BCAS3: variants seen among roughly 807,000 people sequenced by gnomAD.
The protein encoded by BCAS3 is BCAS3 microtubule associated cell migration factor.
A neutral mutation model predicts 116.1 loss-of-function variants in BCAS3; 53 were observed. That is an observed-to-expected ratio of 0.46 (90% CI 0.37 to 0.57). The LOEUF is 0.57. Ranked by LOEUF, BCAS3 falls within the 20% of genes least tolerant of loss-of-function variation. The pLI is 0.00. For synonymous variants in BCAS3, 391 were observed against 408.2 expected (o/e 0.96, Z 0.51); for missense variants, 917 against 1,165.4 (o/e 0.79, Z 3.10).
rs975216155 is a variant in BCAS3, at chr17:61,379,505, T to G, written c.2593+11011T>G. The stretch of plus-strand genomic sequence containing the variant: ...CCAAGCCAAGCCCATCCGATTGAAC[T>G]TAACGGAGAAGTGAAGTTCCCTAGT... On this transcript the variant is annotated intron_variant, in intron 23 of 23. Coordinates refer to ENST00000407086, the MANE Select transcript of BCAS3 (RefSeq NM_017679.5). The surrounding 1 kb of genome is among the most constrained non-coding windows in gnomAD (Gnocchi z 5.5). The G allele has an allele frequency of 3.3e-5, 5 of 152,192 alleles. No homozygotes were observed. The highest frequency in any genetic ancestry group is 1.2e-4 in the African/African-American group (5 of 41,430). 9.4% of individuals were successfully genotyped at this position (152,192 alleles called of 1,614,324 possible). A position where few individuals can be genotyped will look rare whatever the true frequency, so the allele number is the denominator to read the frequency against.
intron 7 of BCAS3, among the ~76,000 whole-genome samples, chr17:60,838,491 T>G (rs2051574350): frequency 6.6e-6 from 1 of 151,156 alleles, no homozygotes; most frequent in Non-Finnish European, 1.5e-5. Flanking sequence ...GCAAATACTA[T>G]AAGACCCCCG....
At position 61,121,347 on chromosome 17, in the gene BCAS3, A is replaced by G. The variant is rs528700585; in HGVS notation, c.2425+36783A>G. ...TATAGTTTTGCTATATGATGTCAAC[A>G]TTGTATTATTTGATATATAGATAGT... On this transcript the variant is annotated intron_variant, in intron 22 of 23. Coordinates refer to ENST00000407086, the MANE Select transcript of BCAS3 (RefSeq NM_017679.5). Among the ~76,000 whole-genome samples, 4 of 152,256 alleles carry G rather than the reference A, an allele frequency of 2.6e-5. No individual in the cohort carries two copies. The East Asian group carries it at 7.7e-4, about 29-fold the overall frequency.
At chr17:61,250,642 G>T (rs145291991) in intron 22 of BCAS3, among the ~76,000 whole-genome samples, 2 of 152,154 alleles carry the variant, frequency 1.3e-5, no homozygotes, top group African/African-American at 2.4e-5. Context: ...TCCCGTTTTC[G>T]GACAGCTAAA....
intron 14 of BCAS3, among the ~76,000 whole-genome samples, chr17:60,948,936 G>C (rs1271085954): frequency 6.6e-6 from 1 of 151,284 alleles, no homozygotes; most frequent in Non-Finnish European, 1.5e-5. Context: ...GAGTGCAGTG[G>C]TATGATCTCG....
intron 13 of BCAS3, among the ~76,000 whole-genome samples, chr17:60,932,507 C>A (rs2059701118): frequency 6.6e-6 from 1 of 151,616 alleles, no homozygotes; most frequent in Admixed American, 6.6e-5. Context: ...TTTGGGAGGC[C>A]GAGGCGGGTG....
rs1373145713 is a variant in BCAS3 at position 60,988,187 on chromosome 17, T to TGA, written c.1222-1784_1222-1783insGA. 7.0e-5 allele frequency among the ~76,000 whole-genome samples: 8 copies of TGA among 114,536 alleles called. No homozygotes were observed. In the African/African-American group the frequency reaches 8.2e-4, roughly 12 times the overall value. The allele number at this position is 114,536 out of a possible 152,430, so 75.1% of individuals were successfully genotyped here. On this transcript the variant is annotated intron_variant, in intron 14 of 23. Coordinates refer to ENST00000407086, the MANE Select transcript of BCAS3 (RefSeq NM_017679.5). ...GGGATAAATTCCACTTGGTTGTGAT[T>TGA]TTTTTTTTTGATGTGTTGTTGAATT...
intron 22 of BCAS3, among the ~76,000 whole-genome samples, chr17:61,148,663 C>T (rs1377926507): frequency 6.6e-6 from 1 of 152,204 alleles, no homozygotes; most frequent in African/African-American, 2.4e-5. Context: ...ATTTTATCCT[C>T]ATAACATCCC....
intron 6 of BCAS3, among the ~76,000 whole-genome samples, chr17:60,754,085 G>A (rs367701264): frequency 4.8e-4 from 73 of 152,104 alleles, no homozygotes; most frequent in African/African-American, 1.7e-3. Flanking sequence ...GCCCATGCTG[G>A]AGTGCAGTGG....
rs1015927949 is a variant in BCAS3 at position 61,229,155 on chromosome 17, T to C, written c.2426-139172T>C. Among the ~76,000 whole-genome samples, 8 of 152,130 alleles carry C rather than the reference T, an allele frequency of 5.3e-5. No individual in the cohort carries two copies. Among genetic ancestry groups the C allele is most frequent in the Admixed American group, 5.2e-4 (8 of 15,288 alleles). ...CGGCCTCCCAAAGTGCTGGGATTAC[T>C]GATGTGAGCCACCGCACCTGGCCAC... On this transcript the variant is annotated intron_variant, in intron 22 of 23. Transcript: ENST00000407086. The surrounding 1 kb of genome is among the most constrained non-coding windows in gnomAD (Gnocchi z 4.4).
In BCAS3 at chr17:60,793,316, T is replaced by C. The variant is rs532961994; in HGVS notation, c.404-14688T>C. The stretch of plus-strand genomic sequence containing the variant: ...TTCACCATCTTGGCCAAGCTGGTGT[T>C]GAACTTCTGACCTCTTGGTCCACCC... On this transcript the variant is annotated intron_variant, in intron 6 of 23. Coordinates refer to ENST00000407086, the MANE Select transcript of BCAS3 (RefSeq NM_017679.5). 4.6e-5 allele frequency among the ~76,000 whole-genome samples: 7 copies of C among 152,234 alleles called. No individual in the cohort carries two copies. The South Asian group carries it at 1.5e-3, about 32-fold the overall frequency.
At chr17:60,694,728 G>A (rs543281844) in intron 4 of BCAS3, among the ~76,000 whole-genome samples, 1 of 151,230 alleles carries the variant, frequency 6.6e-6, no homozygotes, top group African/African-American at 2.4e-5. Context: ...CTCCCACCTC[G>A]GTGTCCCAAA....
At chr17:60,916,269 TAGAC>T (rs796192235) in intron 12 of BCAS3, among the ~76,000 whole-genome samples, 6 of 152,324 alleles carry the variant, frequency 3.9e-5, no homozygotes, top group African/African-American at 1.4e-4. Context: ...CACTGTATGA[TAGAC>T]AGCAGATTTC....
chr17:61,061,779 A>G (rs1423800031), intron 19 of BCAS3, among the ~76,000 whole-genome samples: 1 of 152,220 alleles, frequency 6.6e-6, no homozygotes, highest in Non-Finnish European at 1.5e-5. Flanking sequence ...ATTACAACTC[A>G]TAATTCTACA....
chr17:60,801,665 C>G (rs374487237), intron 6 of BCAS3, among the ~76,000 whole-genome samples: 8 of 152,120 alleles, frequency 5.3e-5, no homozygotes, highest in African/African-American at 1.7e-4. Context: ...CTTGAATTCC[C>G]GATCCTATAA....
chr17:60,838,668 A>G (rs1164443812), intron 7 of BCAS3, among the ~76,000 whole-genome samples: 1 of 152,242 alleles, frequency 6.6e-6, no homozygotes, highest in Non-Finnish European at 1.5e-5. Flanking sequence ...GCTGTGTTTC[A>G]ATAAAACATT....
In BCAS3 at chr17:61,208,005, T is replaced by C. The variant is rs1201912344; in HGVS notation, c.2425+123441T>C. Among the ~76,000 whole-genome samples, 8 of 152,178 alleles carry C rather than the reference T, an allele frequency of 5.3e-5. No individual in the cohort carries two copies. The highest frequency in any genetic ancestry group is 8.8e-5 in the Non-Finnish European group (6 of 68,028). On this transcript the variant is annotated intron_variant, in intron 22 of 23. Coordinates refer to ENST00000407086, the MANE Select transcript of BCAS3 (RefSeq NM_017679.5). The surrounding 1 kb of genome is among the most constrained non-coding windows in gnomAD (Gnocchi z 4.5). ...AATTAGAGGGGAAAATTACTATTAGTCTTTTATATGGAAATAACAAAAAAC... is the reference window on the plus strand; with the variant it reads ...AATTAGAGGGGAAAATTACTATTAGCCTTTTATATGGAAATAACAAAAAAC...
At chr17:60,851,662 T>A (rs2053181158) in intron 7 of BCAS3, 1 of 755,936 alleles carries the variant, frequency 1.3e-6, no homozygotes, top group Admixed American at 1.8e-5. Flanking sequence ...TAAAGAAGAT[T>A]TACCTGCAGA....
rs2055787105 is a variant in BCAS3, at chr17:61,327,038, G to A, written c.2426-41289G>A. Among the ~76,000 whole-genome samples, 1 of 152,184 alleles carries A rather than the reference G, an allele frequency of 6.6e-6. No homozygotes were observed. The highest frequency in any genetic ancestry group is 1.5e-5 in the Non-Finnish European group (1 of 68,026). Reference sequence around the variant, plus strand: ...AAAACAAAACAGGCCGGGCGCGGTGGCTCACACCTGTAATCCCAGCACTTT... The same window carrying A: ...AAAACAAAACAGGCCGGGCGCGGTGACTCACACCTGTAATCCCAGCACTTT... On this transcript the variant is annotated intron_variant, in intron 22 of 23. Coordinates refer to ENST00000407086, the MANE Select transcript of BCAS3 (RefSeq NM_017679.5). This position sits in a 1 kb window ranked among gnomAD's most constrained non-coding sequence, Gnocchi z 5.9.
chr17:60,969,975 A>G (rs2061864020), intron 14 of BCAS3, among the ~76,000 whole-genome samples: 1 of 152,204 alleles, frequency 6.6e-6, no homozygotes, highest in Admixed American at 6.5e-5. Context: ...AAGGCGAGAC[A>G]TCCACACTGT....
Sources: allele counts gnomAD v4.1 joint callset (sites outside exome capture counted in the v4.1 genomes callset), GRCh38; gene constraint gnomAD v4.1.1; non-coding constraint Gnocchi (gnomAD v3.1); transcripts MANE v1.5; gene names NCBI Gene and HGNC (gene_info 2026-07-23, HGNC 2026-07-21).